The following SPIDR variants were observed in gnomAD, a reference collection of about 807,000 sequenced individuals.
SPIDR encodes scaffold protein involved in DNA repair.
A neutral mutation model predicts 104.6 loss-of-function variants in SPIDR; 93 were observed. The ratio of observed to expected loss-of-function variants is 0.89; its 90% CI spans 0.75 to 1.06. SPIDR has a LOEUF of 1.06. SPIDR is among the 50% of genes least tolerant of loss of function. The probability of loss-of-function intolerance (pLI) is 0.00; values close to 1 mark genes in which losing one functional copy is unlikely to be tolerated. For synonymous variants in SPIDR, 431 were observed against 416.9 expected, an observed-to-expected ratio of 1.03 and a Z score of -0.41; for missense variants, 1,154 against 1,111.2, an observed-to-expected ratio of 1.04 and a Z score of -0.55.
intron 1 of SPIDR, among the ~76,000 whole-genome samples, chr8:47,263,339 G>A (rs1208131240): frequency 2.6e-5 from 4 of 152,036 alleles, no homozygotes; most frequent in Non-Finnish European, 4.4e-5. Context: ...TGGTAATTGC[G>A]TATGTTCTTG....
intron 8 of SPIDR, among the ~76,000 whole-genome samples, chr8:47,575,139 G>A (rs1430891612): frequency 6.6e-6 from 1 of 152,042 alleles, no homozygotes; most frequent in African/African-American, 2.4e-5. Context: ...TAGAAATCGA[G>A]TCATTTATTC....
chr8:47,491,813 C>T (rs1228596206), intron 8 of SPIDR, among the ~76,000 whole-genome samples: 3 of 152,052 alleles, frequency 2.0e-5, no homozygotes, highest in Non-Finnish European at 4.4e-5. Flanking sequence ...TCCTGCACTC[C>T]ACTCCAGCCT....
At chr8:47,406,079 AG>A (rs782669706) in intron 6 of SPIDR, among the ~76,000 whole-genome samples, 4 of 146,108 alleles carry the variant, frequency 2.7e-5, no homozygotes, top group Non-Finnish European at 6.0e-5. Context: ...GTTTTTTCAG[AG>A]TTCATTTTGC....
At position 47,731,326 on chromosome 8, in the gene SPIDR, C is replaced by G. The variant is rs1245595450; in HGVS notation, c.2604+1861C>G. ...CAGCTTTAAAGCTCCTCAGTGACCC[C>G]GAGCTCCAGCTCGGAATTGTCCCCT... On this transcript the variant is annotated intron_variant, in intron 19 of 19. Coordinates refer to ENST00000297423, the MANE Select transcript of SPIDR (RefSeq NM_001080394.4). 2.0e-5 allele frequency among the ~76,000 whole-genome samples: 3 copies of G among 152,310 alleles called. No homozygotes were observed. The South Asian group carries it at 6.2e-4, about 32-fold the overall frequency.
intron 1 of SPIDR, among the ~76,000 whole-genome samples, chr8:47,264,418 G>A (rs1227110877): frequency 1.3e-5 from 2 of 152,010 alleles, no homozygotes; most frequent in African/African-American, 2.4e-5. Context: ...AAGTCCCAGG[G>A]AGATTAGGGC....
At chr8:47,733,881 C>G (rs1387631034) in intron 19 of SPIDR, among the ~76,000 whole-genome samples, 2 of 152,110 alleles carry the variant, frequency 1.3e-5, no homozygotes, top group African/African-American at 4.8e-5. Context: ...CTACATTAAA[C>G]CATCCTGTTG....
At chr8:47,694,501 G>A (rs1356572328) in intron 11 of SPIDR, among the ~76,000 whole-genome samples, 2 of 152,190 alleles carry the variant, frequency 1.3e-5, no homozygotes, top group African/African-American at 4.8e-5. Context: ...AGGCATGATG[G>A]CTCACACCTG....
At chr8:47,504,587 C>T (rs1027624082) in intron 8 of SPIDR, among the ~76,000 whole-genome samples, 2 of 152,146 alleles carry the variant, frequency 1.3e-5, no homozygotes, top group Admixed American at 1.3e-4. Flanking sequence ...CAAACTTCCT[C>T]CTTTAGCTCG....
intron 10 of SPIDR, among the ~76,000 whole-genome samples, chr8:47,604,836 A>T (rs2062747882): frequency 6.6e-6 from 1 of 152,232 alleles, no homozygotes; most frequent in Non-Finnish European, 1.5e-5. Context: ...GTCCTGTGAG[A>T]AAGCTGGACG....
At chr8:47,372,319 G>T (rs2058129739) in intron 5 of SPIDR, among the ~76,000 whole-genome samples, 1 of 152,206 alleles carries the variant, frequency 6.6e-6, no homozygotes, top group Non-Finnish European at 1.5e-5. Flanking sequence ...GCTTATCTTT[G>T]CATAGCCGGT....
chr8:47,310,516 G>A (rs1376049553), intron 5 of SPIDR, among the ~76,000 whole-genome samples: 1 of 152,116 alleles, frequency 6.6e-6, no homozygotes, highest in Admixed American at 6.6e-5. Flanking sequence ...AGCACAGTAG[G>A]AGGACAGAAA....
chr8:47,628,141 C>T (rs1425167740), intron 10 of SPIDR, among the ~76,000 whole-genome samples: 1 of 152,124 alleles, frequency 6.6e-6, no homozygotes, highest in Non-Finnish European at 1.5e-5. Flanking sequence ...GATGGCTTTC[C>T]CTATTAAACT....
chr8:47,534,827 C>A (rs2086635162), intron 8 of SPIDR, among the ~76,000 whole-genome samples: 1 of 150,814 alleles, frequency 6.6e-6, no homozygotes. Context: ...AAATCGAAAA[C>A]AGGAAATTAG....
chr8:47,512,170 C>G (rs2082433072), intron 8 of SPIDR: 4 of 385,280 alleles, frequency 1.0e-5, no homozygotes, highest in Middle Eastern at 7.1e-4. Flanking sequence ...CTCCCCACAT[C>G]CACTACTTTC....
chr8:47,405,853 C>G (rs950527516), intron 6 of SPIDR, among the ~76,000 whole-genome samples: 2 of 152,154 alleles, frequency 1.3e-5, no homozygotes, highest in Admixed American at 1.3e-4. Context: ...ATGGTGTTTC[C>G]TAAGCTCAAG....
At chr8:47,568,380 G>A (rs1206567846) in intron 8 of SPIDR, among the ~76,000 whole-genome samples, 2 of 152,184 alleles carry the variant, frequency 1.3e-5, no homozygotes, top group Non-Finnish European at 2.9e-5. Flanking sequence ...TATTGGAATG[G>A]TATCAGGGTA....
chr8:47,451,781 A>C (rs2071804488), intron 8 of SPIDR, among the ~76,000 whole-genome samples: 1 of 152,180 alleles, frequency 6.6e-6, no homozygotes, highest in Non-Finnish European at 1.5e-5. Context: ...GGAGTACCAG[A>C]AGGAGAAGAG....
Position 47,735,724 on chromosome 8 carries a change from G to T in SPIDR, c.*274G>T, listed in dbSNP as rs1335805702. The T allele has an allele frequency of 6.8e-6, 5 of 737,218 alleles. No individual in the cohort carries two copies. Among genetic ancestry groups the T allele is most frequent in the Non-Finnish European group, 1.0e-5 (5 of 480,128 alleles). 45.7% of individuals were successfully genotyped at this position (737,218 alleles called of 1,614,324 possible). On this transcript the variant is annotated 3_prime_UTR_variant, in exon 20 of 20. Coordinates refer to ENST00000297423, the MANE Select transcript of SPIDR (RefSeq NM_001080394.4). ...ATCTTAAGTTTAAGCTCTTCATTTG[G>T]TATTTAGGCAATATATGAGAAAAAA...
chr8:47,329,923 T>A (rs1312599348), intron 5 of SPIDR, among the ~76,000 whole-genome samples: 1 of 152,204 alleles, frequency 6.6e-6, no homozygotes, highest in African/African-American at 2.4e-5. Flanking sequence ...ATAGGTACAA[T>A]AGTACAATTA....
Sources: gnomAD v4.1 joint callset for allele counts (sites outside exome capture counted in the v4.1 genomes callset) on GRCh38, gnomAD v4.1.1 for gene constraint, MANE v1.5 for transcripts, NCBI Gene and HGNC (gene_info 2026-07-23, HGNC 2026-07-21) for gene names.